The following BAIAP3 variants were observed in gnomAD, a reference collection of about 807,000 sequenced individuals.
BAIAP3 encodes the protein BAI1-associated protein 3.
Under a neutral mutation model 149.7 loss-of-function variants are expected in BAIAP3, and 180 were observed. That is an observed-to-expected ratio of 1.20 (90% CI 1.07 to 1.36). BAIAP3 has a LOEUF of 1.36. Among genes scored for constraint, BAIAP3 ranks in the 40% most tolerant of loss-of-function variants. BAIAP3 has a pLI of 0.00. For synonymous variants in BAIAP3, 845 were observed against 670.7 expected, an observed-to-expected ratio of 1.26 and a Z score of -4.02; for missense variants, 1,767 against 1,563.4, an observed-to-expected ratio of 1.13 and a Z score of -2.20.
chr16:1,346,751 C>G, intron 27 of BAIAP3, 67 bp downstream of exon 27: 1 of 1,499,192 alleles, frequency 6.7e-7, no homozygotes, highest in Non-Finnish European at 8.9e-7. Context: ...TGCAGGGTGC[C>G]GGAGGCCCTG....
In BAIAP3 at chr16:1,341,406, T is replaced by A. The variant is rs768683876; in HGVS notation, c.648T>A (p.Gly216=). Residue 216 remains glycine (G), a synonymous_variant, in exon 8 of 34, where the codon GGT becomes GGA. Transcript: ENST00000426824. The part of the protein sequence containing the change: ...RFGFRKGSKR[G]GPLPAKCIQV... ...GCTTCCGCAAGGGCAGCAAGCGCGGTGGACCCCTGCCTGCCAAGTGCATCC... is the reference window on the plus strand; with the variant it reads ...GCTTCCGCAAGGGCAGCAAGCGCGGAGGACCCCTGCCTGCCAAGTGCATCC... 1.2e-6 allele frequency: 2 copies of A among 1,612,664 alleles called. No homozygotes were observed. The highest frequency in any genetic ancestry group is 1.7e-6 in the Non-Finnish European group (2 of 1,179,908).
chr16:1,342,974 A>G lies in BAIAP3; in HGVS notation c.1223A>G (p.His408Arg). 1 of 1,611,258 alleles carries G rather than the reference A, an allele frequency of 6.2e-7. No homozygotes were observed. Among genetic ancestry groups the G allele is most frequent in the Non-Finnish European group, 8.5e-7 (1 of 1,179,832 alleles). The part of the protein sequence containing the change: ...STPAATILCL[H>R]GAQSNLSPLQ... Reference sequence around the variant, plus strand: ...CCAGCCGCCACCATCCTCTGCCTGCACGGAGCCCAGAGCAACCTGTCACCC... The same window carrying G: ...CCAGCCGCCACCATCCTCTGCCTGCGCGGAGCCCAGAGCAACCTGTCACCC... Residue 408 changes from histidine (H) to arginine (R), a missense_variant, in exon 14 of 34, where the codon CAC becomes CGC. Physicochemically the swap from His to Arg is conservative, Grantham distance 29. Coordinates refer to ENST00000426824, the MANE Select transcript of BAIAP3 (RefSeq NM_001199097.2).
In BAIAP3 at chr16:1,349,156, T is replaced by C; in HGVS notation, c.*674T>C. ...CACATATCCGTGGCCACCTGAGACC[T>C]GCTCCACGACCCTTCCAGGCAGAGC... On this transcript the variant is annotated 3_prime_UTR_variant, in exon 34 of 34. Transcript: ENST00000426824. 1 of 486,828 alleles carries C rather than the reference T, an allele frequency of 2.1e-6. No individual in the cohort carries two copies. The highest frequency in any genetic ancestry group is 3.7e-6 in the Non-Finnish European group (1 of 267,504). 30.2% of individuals were successfully genotyped at this position (486,828 alleles called of 1,614,324 possible). A position where few individuals can be genotyped will look rare whatever the true frequency, so the allele number is the denominator to read the frequency against.
At chr16:1,336,206 G>T in intron 1 of BAIAP3, 1 of 985,278 alleles carries the variant, frequency 1.0e-6, no homozygotes, top group Admixed American at 6.1e-5. Flanking sequence ...CACTGGCTTC[G>T]GGGGACAGCA....
chr16:1,334,733 C>G, intron 1 of BAIAP3: 1 of 1,553,218 alleles, frequency 6.4e-7, no homozygotes, highest in Non-Finnish European at 8.7e-7. Context: ...CCATCGGCTT[C>G]GCAGGGGCCA....
intron 1 of BAIAP3, among the ~76,000 whole-genome samples, chr16:1,335,395 C>T (rs908789347): frequency 5.9e-5 from 9 of 152,186 alleles, no homozygotes; most frequent in African/African-American, 2.2e-4. Flanking sequence ...TTCATCCTGC[C>T]TCATGCTACT....
In BAIAP3 at chr16:1,346,309, A is replaced by G; in HGVS notation, c.2441A>G (p.Asp814Gly). Residue 814 changes from aspartate (D) to glycine (G), a missense_variant, in exon 25 of 34, where the codon GAC becomes GGC. Transcript: ENST00000426824. The stretch of plus-strand genomic sequence containing the variant: ...CTGCTCAGCTGCACACAGGCCCTGG[A>G]CGATGATCTGCAACGGGAGGCCCAC... ...RPLLSCTQAL[D>G]DDLQREAHTV... 1 of 1,604,762 alleles carries G rather than the reference A, an allele frequency of 6.2e-7. No homozygotes were observed. The highest frequency in any genetic ancestry group is 8.5e-7 in the Non-Finnish European group (1 of 1,173,730).
Position 1,344,574 on chromosome 16 carries a change from G to T in BAIAP3, c.1660-27G>T, listed in dbSNP as rs1316743387. 6 of 1,612,640 alleles carry T rather than the reference G, an allele frequency of 3.7e-6. No individual in the cohort carries two copies. The East Asian group carries it at 1.1e-4, about 30-fold the overall frequency. Reference sequence around the variant, plus strand: ...CATGAGGGGTACGGGCAGCCGAGAGGTGGGTACGAGCTAGGCTTCCTTGCA... The same window carrying T: ...CATGAGGGGTACGGGCAGCCGAGAGTTGGGTACGAGCTAGGCTTCCTTGCA... On this transcript the variant is annotated intron_variant, in intron 18 of 33. Coordinates refer to ENST00000426824, the MANE Select transcript of BAIAP3 (RefSeq NM_001199097.2).
chr16:1,343,345 T>C (rs1028042946), intron 14 of BAIAP3, 48 bp from the exon 15 acceptor site: 3 of 1,562,420 alleles, frequency 1.9e-6, no homozygotes, highest in East Asian at 4.7e-5. Context: ...TGAGTGGGCA[T>C]GGCAGGGGCG....
rs550014449 is a variant in BAIAP3 at position 1,348,331 on chromosome 16, C to T, written c.3355+30C>T. ...GTGAGCATCTGGGTGGAGGCAGGGGCAGCGGGCCTGACCCCGGCCCCCACA... is the reference window on the plus strand; with the variant it reads ...GTGAGCATCTGGGTGGAGGCAGGGGTAGCGGGCCTGACCCCGGCCCCCACA... On this transcript the variant is annotated intron_variant, in intron 33 of 33. Transcript: ENST00000426824. 3.7e-6 allele frequency: 6 copies of T among 1,604,228 alleles called. No individual in the cohort carries two copies. The Admixed American group carries it at 8.5e-5, about 23-fold the overall frequency.
In BAIAP3 at chr16:1,348,557, G is replaced by T; in HGVS notation, c.*75G>T. 6.9e-7 allele frequency: 1 copy of T among 1,444,714 alleles called. No homozygotes were observed. Among genetic ancestry groups the T allele is most frequent in the Non-Finnish European group, 9.5e-7 (1 of 1,054,322 alleles). 89.5% of individuals were successfully genotyped at this position (1,444,714 alleles called of 1,614,324 possible). On this transcript the variant is annotated 3_prime_UTR_variant, in exon 34 of 34. Coordinates refer to ENST00000426824, the MANE Select transcript of BAIAP3 (RefSeq NM_001199097.2). ...AGCATCCTCCAGCTCACTGTGGCCA[G>T]CTTTGTGCAACCAGGGCCCACGGCG...
Position 1,343,495 on chromosome 16 carries a change from T to G in BAIAP3, c.1368T>G (p.Pro456=), listed in dbSNP as rs753529291. Reference sequence around the variant, plus strand: ...TGCAGGCACACTGGGAAGAGGCTCCTTCACTGCCCCAGGAGCAGGTGGGTG... The same window carrying G: ...TGCAGGCACACTGGGAAGAGGCTCCGTCACTGCCCCAGGAGCAGGTGGGTG... The part of the protein sequence containing the change: ...EDMQAHWEEA[P]SLPQEQEESL... Residue 456 remains proline (P), a synonymous_variant, in exon 15 of 34, where the codon CCT becomes CCG. Coordinates refer to ENST00000426824, the MANE Select transcript of BAIAP3 (RefSeq NM_001199097.2). 9 of 1,605,656 alleles carry G rather than the reference T, an allele frequency of 5.6e-6. No individual in the cohort carries two copies. The highest frequency in any genetic ancestry group is 7.6e-6 in the Non-Finnish European group (9 of 1,177,672).
At chr16:1,335,462 C>T (rs527694422) in intron 1 of BAIAP3, among the ~76,000 whole-genome samples, 2 of 152,066 alleles carry the variant, frequency 1.3e-5, no homozygotes, top group African/African-American at 2.4e-5. Flanking sequence ...ACGGGAAAGA[C>T]GGGGGGTCCC....
chr16:1,347,649 T>C (rs1477718204), intron 30 of BAIAP3, 24 bp downstream of exon 30: 1 of 1,612,754 alleles, frequency 6.2e-7, no homozygotes, highest in Non-Finnish European at 8.5e-7. Flanking sequence ...AGGGACAGGG[T>C]GCTGCCTCCG....
Position 1,341,977 on chromosome 16 carries a change from C to T in BAIAP3, c.777-9C>T. 6.3e-7 allele frequency: 1 copy of T among 1,589,816 alleles called. No homozygotes were observed. Among genetic ancestry groups the T allele is most frequent in the African/African-American group, 1.3e-5 (1 of 74,376 alleles). On this transcript the variant is annotated splice_polypyrimidine_tract_variant and intron_variant, in intron 9 of 33. Coordinates refer to ENST00000426824, the MANE Select transcript of BAIAP3 (RefSeq NM_001199097.2). The stretch of plus-strand genomic sequence containing the variant: ...CCAGACAAGCCAGGTCCTCCCCTGT[C>T]CCCACCAGGGATCATGACGACGATG...
chr16:1,340,675 CCT>C (rs1451131331), intron 5 of BAIAP3, among the ~76,000 whole-genome samples: 1 of 152,246 alleles, frequency 6.6e-6, no homozygotes, highest in African/African-American at 2.4e-5. Context: ...TCTGAACTCC[CCT>C]GTCCTCCCGT....
chr16:1,334,907 C>A (rs9935863), intron 1 of BAIAP3: 5 of 734,726 alleles, frequency 6.8e-6, no homozygotes, highest in East Asian at 2.7e-5. Flanking sequence ...TGCCACCTCC[C>A]GCCCCAGGCA....
At chr16:1,343,187 C>A in intron 14 of BAIAP3, 171 bp downstream of exon 14, 1 of 1,060,254 alleles carries the variant, frequency 9.4e-7, no homozygotes, top group Non-Finnish European at 1.4e-6. Flanking sequence ...GGGGGCGGTG[C>A]TACGGGTAGG....
intron 1 of BAIAP3, among the ~76,000 whole-genome samples, chr16:1,338,331 G>A (rs1465791184): frequency 6.6e-6 from 1 of 152,126 alleles, no homozygotes; most frequent in East Asian, 1.9e-4. Context: ...GCCCTGCAGG[G>A]GGCGCAGGGA....
Sources: gnomAD v4.1 joint callset for allele counts (sites outside exome capture counted in the v4.1 genomes callset) on GRCh38, gnomAD v4.1.1 for gene constraint, MANE v1.5 for transcripts, NCBI Gene and HGNC (gene_info 2026-07-23, HGNC 2026-07-21) for gene names.